The following NME9 variants were observed in gnomAD, a reference collection of about 807,000 sequenced individuals.
NME9 encodes NME/NM23 family member 9.
In NME9, 48 loss-of-function variants were observed where a neutral mutation model predicts 44.4. The ratio of observed to expected loss-of-function variants is 1.08; its 90% CI spans 0.86 to 1.37. The LOEUF is 1.37. NME9 is among the 40% of genes most tolerant of loss of function. NME9 has a pLI of 0.00. For synonymous variants in NME9, 139 were observed against 147.1 expected, an observed-to-expected ratio of 0.94 and a Z score of 0.40; for missense variants, 325 against 405.2, an observed-to-expected ratio of 0.80 and a Z score of 1.70.
rs553216769 is a variant in NME9 at position 138,329,611 on chromosome 3, C to T, written c.-276G>A. On this transcript the variant is annotated 5_prime_UTR_variant, in exon 1 of 11. Transcript: ENST00000333911. ...GATCTGCGAAGCCCCCTCCCCACCC[C>T]GGAGCCGGCCAGGGGGCGCGCGCAG... is the stretch of plus-strand genomic sequence containing the variant. The T allele has an allele frequency of 2.5e-5, 33 of 1,295,448 alleles. No homozygotes were observed. The East Asian group carries it at 6.4e-4, about 25-fold the overall frequency. The allele number at this position is 1,295,448 out of a possible 1,614,324, so 80.2% of individuals were successfully genotyped here. A position where few individuals can be genotyped will look rare whatever the true frequency, so the allele number is the denominator to read the frequency against.
rs2052228025 is a variant in NME9 at position 138,306,003 on chromosome 3, C to A, written c.636+1G>T. ...GAACTTGTGGAAGTAGATGAGCTGA[C>A]CTCTCCAGCTTTGTGTTGGTAGAAA... is the stretch of plus-strand genomic sequence containing the variant. On this transcript the variant is annotated splice_donor_variant, in intron 8 of 10. Transcript: ENST00000333911. LOFTEE classifies it high-confidence loss of function. 6.3e-7 allele frequency: 1 copy of A among 1,593,506 alleles called. No individual in the cohort carries two copies. Among genetic ancestry groups the A allele is most frequent in the East Asian group, 2.2e-5 (1 of 44,786 alleles).
intron 8 of NME9, among the ~76,000 whole-genome samples, chr3:138,282,545 T>G: frequency 6.9e-6 from 1 of 145,340 alleles, no homozygotes; most frequent in East Asian, 2.0e-4. Context: ...CTTGGGAGAC[T>G]AAGGCAGGGA....
intron 8 of NME9, chr3:138,269,977 G>C: frequency 9.0e-7 from 1 of 1,107,192 alleles, no homozygotes; most frequent in Non-Finnish European, 1.4e-6. Context: ...CAAGGTATAT[G>C]CATGTTTAGT....
intron 8 of NME9, among the ~76,000 whole-genome samples, chr3:138,289,890 T>C (rs546864611): frequency 6.6e-6 from 1 of 152,260 alleles, no homozygotes; most frequent in East Asian, 1.9e-4. Context: ...CACTGTGGGC[T>C]CTTCAGTGGG....
intron 6 of NME9, 46 bp downstream of exon 6, chr3:138,314,286 T>A (rs1236765964): frequency 8.8e-7 from 1 of 1,131,286 alleles, no homozygotes; most frequent in Non-Finnish European, 1.3e-6. Flanking sequence ...ATATAAAATC[T>A]GAGTCTGCTT....
chr3:138,302,110 A>G (rs2051889499), intron 10 of NME9, among the ~76,000 whole-genome samples: 1 of 152,264 alleles, frequency 6.6e-6, no homozygotes, highest in Middle Eastern at 3.4e-3. Flanking sequence ...GGGATTGTCT[A>G]TCACCTTGAC....
intron 6 of NME9, among the ~76,000 whole-genome samples, chr3:138,307,268 G>T (rs1469484312): frequency 2.6e-5 from 4 of 152,200 alleles, no homozygotes; most frequent in Non-Finnish European, 4.4e-5. Flanking sequence ...AATGAGGGAG[G>T]TGCCACAGGA....
chr3:138,318,108 T>C, intron 4 of NME9, 40 bp downstream of exon 4: 1 of 1,233,934 alleles, frequency 8.1e-7, no homozygotes. Context: ...TCTAATGATT[T>C]GCAATCGTCA....
At chr3:138,301,858 T>A (rs1030281106) in intron 10 of NME9, among the ~76,000 whole-genome samples, 154 bp from the exon 11 acceptor site, 1 of 152,234 alleles carries the variant, frequency 6.6e-6, no homozygotes, top group Non-Finnish European at 1.5e-5. Flanking sequence ...AGGAATTAAA[T>A]AAATTAGAAT....
chr3:138,290,726 T>G, intron 8 of NME9: 8 of 829,908 alleles, frequency 9.6e-6, no homozygotes, highest in South Asian at 1.7e-5. Context: ...TTAATGGCCA[T>G]ACTTTTTAAA....
rs535916852 is a variant in NME9 at position 138,274,488 on chromosome 3, A to G, written c.746-11902T>C. ...AATGAGTACTCATGGAAAGCAAATTATGCAAGCCGTCACTCTTATTCTAGA... is the reference window on the plus strand; with the variant it reads ...AATGAGTACTCATGGAAAGCAAATTGTGCAAGCCGTCACTCTTATTCTAGA... On this transcript the variant is annotated intron_variant, in intron 8 of 8. Transcript: ENST00000317876. 4 of 1,613,068 alleles carry G rather than the reference A, an allele frequency of 2.5e-6. No individual in the cohort carries two copies. The Admixed American group carries it at 6.7e-5, about 27-fold the overall frequency.
intron 8 of NME9, among the ~76,000 whole-genome samples, chr3:138,263,286 C>T (rs917128653): frequency 6.6e-6 from 1 of 152,214 alleles, no homozygotes; most frequent in African/African-American, 2.4e-5. Flanking sequence ...AAGTTTCAGT[C>T]GGTTGGTAAG....
Position 138,315,649 on chromosome 3 carries a change from A to G in NME9, c.268-6T>C. 1.3e-6 allele frequency: 2 copies of G among 1,525,932 alleles called. No homozygotes were observed. Among genetic ancestry groups the G allele is most frequent in the Non-Finnish European group, 8.8e-7 (1 of 1,137,246 alleles). 94.5% of individuals were successfully genotyped at this position (1,525,932 alleles called of 1,614,324 possible). A position where few individuals can be genotyped will look rare whatever the true frequency, so the allele number is the denominator to read the frequency against. On this transcript the variant is annotated splice_region_variant and splice_polypyrimidine_tract_variant and intron_variant, in intron 4 of 10. Transcript: ENST00000333911. Reference sequence around the variant, plus strand: ...ACAGCCACCAGTTCTCCTCCCTAGAATACGTTACAAACAGCATGAAATACT... The same window carrying G: ...ACAGCCACCAGTTCTCCTCCCTAGAGTACGTTACAAACAGCATGAAATACT...
chr3:138,273,498 T>C (rs1156782696), intron 8 of NME9, among the ~76,000 whole-genome samples: 3 of 152,252 alleles, frequency 2.0e-5, no homozygotes, highest in Non-Finnish European at 4.4e-5. Context: ...TAGAGAATTC[T>C]CAGAGCCATT....
At chr3:138,305,777 A>G (rs916804568) in intron 8 of NME9, among the ~76,000 whole-genome samples, 1 of 152,208 alleles carries the variant, frequency 6.6e-6, no homozygotes, top group African/African-American at 2.4e-5. Context: ...TTTCCTTCTA[A>G]TAAATTCCTT....
At chr3:138,271,283 T>G (rs151230371) in intron 8 of NME9, among the ~76,000 whole-genome samples, 119 of 152,324 alleles carry the variant, frequency 7.8e-4, no homozygotes, top group African/African-American at 2.7e-3. Flanking sequence ...CTACCTAGCT[T>G]CCTTTTCAAC....
chr3:138,324,737 CACAT>C (rs1427252167), intron 2 of NME9, 132 bp downstream of exon 2: 16 of 613,394 alleles, frequency 2.6e-5, no homozygotes, highest in African/African-American at 9.6e-5. Context: ...CACACACACA[CACAT>C]CACCTGGTTT....
rs1473761060 is a variant in NME9, at chr3:138,306,025, G to A, written c.615C>T (p.Phe205=). The A allele has an allele frequency of 2.1e-5, 34 of 1,612,902 alleles. No individual in the cohort carries two copies. Among genetic ancestry groups the A allele is most frequent in the Non-Finnish European group, 2.8e-5 (33 of 1,178,922 alleles). Residue 205 remains phenylalanine (F), a synonymous_variant, in exon 8 of 11, where the codon TTC becomes TTT. Coordinates refer to ENST00000333911, the MANE Select transcript of NME9 (RefSeq NM_001349018.2). ...TGACCTCTCCAGCTTTGTGTTGGTA[G>A]AAAAGTCGCACTTCTGCCTCTGTCA... is the stretch of plus-strand genomic sequence containing the variant. ...RTMTEAEVRL[F]YQHKAGEEAF... is the part of the protein sequence containing the mutation.
intron 8 of NME9, among the ~76,000 whole-genome samples, chr3:138,268,987 T>G (rs1576887892): frequency 6.6e-6 from 1 of 152,252 alleles, no homozygotes; most frequent in East Asian, 1.9e-4. Context: ...AAATATACAT[T>G]GAAATATTAA....
Sources: gnomAD v4.1 joint callset for allele counts (sites outside exome capture counted in the v4.1 genomes callset) on GRCh38, gnomAD v4.1.1 for gene constraint, MANE v1.5 for transcripts, NCBI Gene and HGNC (gene_info 2026-07-23, HGNC 2026-07-21) for gene names.